PCOLCE2: variants seen among roughly 807,000 people sequenced by gnomAD.
PCOLCE2 encodes procollagen C-proteinase enhancer 2.
In PCOLCE2, 42 loss-of-function variants were observed where a neutral mutation model predicts 47.0. The ratio of observed to expected loss-of-function variants is 0.89; its 90% CI spans 0.70 to 1.16. PCOLCE2 has a LOEUF of 1.16. Ranked by LOEUF, PCOLCE2 falls within the 50% of genes most tolerant of loss-of-function variation. The pLI, the probability that PCOLCE2 is intolerant of heterozygous loss-of-function variation, is 0.00. For missense variants in PCOLCE2, 500 were observed against 526.1 expected (o/e 0.95, Z 0.49); for synonymous variants, 169 against 191.7 (o/e 0.88, Z 0.98).
intron 2 of PCOLCE2, among the ~76,000 whole-genome samples, chr3:142,872,224 T>C (rs556659730): frequency 6.6e-6 from 1 of 152,300 alleles, no homozygotes; most frequent in African/African-American, 2.4e-5. Context: ...GTCTGCCACT[T>C]TCTCTGTGTT....
chr3:142,818,275 G>A lies in PCOLCE2; in HGVS notation c.*60C>T, dbSNP rs1313089389. 4.8e-6 allele frequency: 7 copies of A among 1,447,846 alleles called. No homozygotes were observed. The highest frequency in any genetic ancestry group is 6.7e-6 in the Non-Finnish European group (7 of 1,042,070). The allele number at this position is 1,447,846 out of a possible 1,614,324, so 89.7% of individuals were successfully genotyped here. A position where few individuals can be genotyped will look rare whatever the true frequency, so the allele number is the denominator to read the frequency against. ...TTATAAGTATTTTTTTTTCTACTGA[G>A]AGAACATAGATCTTTCAAAGGCAAT... is the stretch of plus-strand genomic sequence containing the variant. On this transcript the variant is annotated 3_prime_UTR_variant, in exon 9 of 9. Coordinates refer to ENST00000295992, the MANE Select transcript of PCOLCE2 (RefSeq NM_013363.4).
In PCOLCE2 at chr3:142,866,119, G is replaced by T. The variant is rs188297616; in HGVS notation, c.193-17647C>A. On this transcript the variant is annotated intron_variant, in intron 2 of 8. Coordinates refer to ENST00000295992, the MANE Select transcript of PCOLCE2 (RefSeq NM_013363.4). ...AGCTGATAAAACATGATTTCTGGGA[G>T]TGTGTATGAGGGTTTGCCTGGAAGA... Among the ~76,000 whole-genome samples, 105 of 152,330 alleles carry T rather than the reference G, an allele frequency of 6.9e-4. 1 individual carries two copies. Among genetic ancestry groups the T allele is most frequent in the African/African-American group, 2.4e-3 (100 of 41,576 alleles).
chr3:142,822,383 C>G (rs1418648530), intron 7 of PCOLCE2, among the ~76,000 whole-genome samples: 1 of 152,004 alleles, frequency 6.6e-6, no homozygotes, highest in African/African-American at 2.4e-5. Flanking sequence ...GGTCATTTTG[C>G]CATGTAAGCG....
intron 8 of PCOLCE2, among the ~76,000 whole-genome samples, chr3:142,819,960 C>G (rs777397450): frequency 6.6e-6 from 1 of 150,482 alleles, no homozygotes; most frequent in Non-Finnish European, 1.5e-5. Context: ...CTTTCTCTCT[C>G]TTTCTCTCTC....
chr3:142,877,645 T>G (rs1365254284), intron 2 of PCOLCE2, among the ~76,000 whole-genome samples: 1 of 152,202 alleles, frequency 6.6e-6, no homozygotes, highest in Non-Finnish European at 1.5e-5. Flanking sequence ...CCCAGAAACT[T>G]AATCACATAC....
At chr3:142,825,695 C>T (rs565207725) in intron 6 of PCOLCE2, among the ~76,000 whole-genome samples, 43 of 152,266 alleles carry the variant, frequency 2.8e-4, no homozygotes, top group Admixed American at 6.5e-4. Context: ...TTTCCCAACC[C>T]GTCAGCCCTG....
chr3:142,888,361 T>C (rs1385687153), intron 1 of PCOLCE2, among the ~76,000 whole-genome samples: 3 of 151,824 alleles, frequency 2.0e-5, no homozygotes, highest in Non-Finnish European at 4.4e-5. Context: ...TGGCGAAGAG[T>C]TAACTTTCCG....
intron 2 of PCOLCE2, among the ~76,000 whole-genome samples, chr3:142,886,038 G>A (rs1023117577): frequency 2.0e-5 from 3 of 152,178 alleles, no homozygotes; most frequent in Non-Finnish European, 2.9e-5. Context: ...GTAGATCCTG[G>A]ACACACAGTT....
At chr3:142,881,343 C>G (rs1261144193) in intron 2 of PCOLCE2, among the ~76,000 whole-genome samples, 1 of 152,030 alleles carries the variant, frequency 6.6e-6, no homozygotes, top group African/African-American at 2.4e-5. Flanking sequence ...TCACCCCAAC[C>G]CCAGAGAATC....
chr3:142,887,700 G>T lies in PCOLCE2; in HGVS notation c.161C>A (p.Pro54His), dbSNP rs1345245643. 1 of 1,600,346 alleles carries T rather than the reference G, an allele frequency of 6.2e-7. No homozygotes were observed. Among genetic ancestry groups the T allele is most frequent in the Non-Finnish European group, 8.6e-7 (1 of 1,167,610 alleles). Residue 54 changes from proline (P) to histidine (H), a missense_variant, in exon 2 of 9, where the codon CCT becomes CAT. By Grantham distance (77) the Pro-to-His change is moderately conservative (BLOSUM62 -2). Coordinates refer to ENST00000295992, the MANE Select transcript of PCOLCE2 (RefSeq NM_013363.4). ...IGSEGFPGVY[P>H]PNSKCTWKIT... is the part of the protein sequence containing the mutation. ...TTTCCAAGTACATTTGCTATTTGGA[G>T]GGTACACTCCAGGAAAACCTTCACT...
intron 4 of PCOLCE2, among the ~76,000 whole-genome samples, 161 bp from the exon 5 acceptor site, chr3:142,839,067 A>AT (rs942505512): frequency 2.6e-5 from 4 of 152,184 alleles, no homozygotes; most frequent in African/African-American, 9.7e-5. Flanking sequence ...ATTTAGTTAA[A>AT]AAAAAAACTG....
At chr3:142,876,265 G>A (rs147953016) in intron 2 of PCOLCE2, among the ~76,000 whole-genome samples, 15 of 152,314 alleles carry the variant, frequency 9.8e-5, no homozygotes, top group African/African-American at 3.4e-4. Context: ...AATATTTCAT[G>A]AAGAAATAAT....
Position 142,847,533 on chromosome 3 carries a change from G to GTA in PCOLCE2, c.448+682_448+683dup, listed in dbSNP as rs563182870. 9.9e-5 allele frequency among the ~76,000 whole-genome samples: 15 copies of GTA among 152,122 alleles called. No individual in the cohort carries two copies. The East Asian group carries it at 2.3e-3, about 23-fold the overall frequency. ...CTATATCTCATATATCTGTGTGTGT[G>GTA]TATATATATATTTGTTGTTGTTTGA... On this transcript the variant is annotated intron_variant, in intron 3 of 8. Coordinates refer to ENST00000295992, the MANE Select transcript of PCOLCE2 (RefSeq NM_013363.4).
chr3:142,889,011 C>CAGCAGCGCTGGCTCACACA lies in PCOLCE2; in HGVS notation c.-116_-115insTGTGTGAGCCAGCGCTGCT. 1.1e-5 allele frequency: 3 copies of CAGCAGCGCTGGCTCACACA among 271,032 alleles called. No homozygotes were observed. The highest frequency in any genetic ancestry group is 2.1e-5 in the Non-Finnish European group (3 of 144,586). 16.8% of individuals were successfully genotyped at this position (271,032 alleles called of 1,614,324 possible). A position where few individuals can be genotyped will look rare whatever the true frequency, so the allele number is the denominator to read the frequency against. ...CACTGGCAGCAGCGCTGGCTCACAC[C>CAGCAGCGCTGGCTCACACA]GGCGCTCGGCTGCCCGCGCGCTCCC... On this transcript the variant is annotated 5_prime_UTR_variant, in exon 1 of 9. Coordinates refer to ENST00000295992, the MANE Select transcript of PCOLCE2 (RefSeq NM_013363.4).
intron 2 of PCOLCE2, among the ~76,000 whole-genome samples, chr3:142,884,836 A>G (rs1267559515): frequency 6.6e-6 from 1 of 152,222 alleles, no homozygotes; most frequent in Non-Finnish European, 1.5e-5. Context: ...CACTGTCCAC[A>G]AGAAAAATTG....
chr3:142,826,356 C>T (rs1937077978), intron 6 of PCOLCE2, among the ~76,000 whole-genome samples: 1 of 152,130 alleles, frequency 6.6e-6, no homozygotes, highest in Admixed American at 6.5e-5. Context: ...AAAATGTTCT[C>T]AAGATCCCCA....
At chr3:142,867,603 T>A (rs1257259553) in intron 2 of PCOLCE2, among the ~76,000 whole-genome samples, 2 of 152,050 alleles carry the variant, frequency 1.3e-5, no homozygotes, top group African/African-American at 2.4e-5. Flanking sequence ...AATATGCACA[T>A]GAAAAAAGAG....
At chr3:142,853,635 C>A (rs1933000319) in intron 2 of PCOLCE2, among the ~76,000 whole-genome samples, 1 of 152,220 alleles carries the variant, frequency 6.6e-6, no homozygotes, top group African/African-American at 2.4e-5. Context: ...TATTTCCTAC[C>A]TTGCCTGGCA....
At chr3:142,821,743 C>T (rs1407545772) in intron 7 of PCOLCE2, among the ~76,000 whole-genome samples, 4 of 148,568 alleles carry the variant, frequency 2.7e-5, no homozygotes, top group Non-Finnish European at 4.5e-5. Context: ...TTGATTTTTT[C>T]ATTATGTAAA....
Sources: gnomAD v4.1 joint callset for allele counts (sites outside exome capture counted in the v4.1 genomes callset) on GRCh38, gnomAD v4.1.1 for gene constraint, MANE v1.5 for transcripts, NCBI Gene and HGNC (gene_info 2026-07-23, HGNC 2026-07-21) for gene names.